The following FHOD3 variants were observed in gnomAD, a reference collection of about 807,000 sequenced individuals.
The protein encoded by FHOD3 is FH1/FH2 domain-containing protein 3.
Under a neutral mutation model 173.0 loss-of-function variants are expected in FHOD3, and 90 were observed. That is an observed-to-expected ratio of 0.52 (90% CI 0.44 to 0.62). The LOEUF (loss-of-function observed/expected upper bound fraction) is 0.62, where lower values mean the gene tolerates loss of function less well. Among genes scored for constraint, FHOD3 ranks in the 20% least tolerant of loss-of-function variants. The pLI is 0.00. For synonymous variants in FHOD3, 828 were observed against 823.0 expected, an observed-to-expected ratio of 1.01 and a Z score of -0.10; for missense variants, 1,945 against 2,034.7, an observed-to-expected ratio of 0.96 and a Z score of 0.85.
intron 14 of FHOD3, among the ~76,000 whole-genome samples, chr18:36,681,119 T>G (rs1326327761): frequency 6.6e-6 from 1 of 152,142 alleles, no homozygotes; most frequent in Non-Finnish European, 1.5e-5. Flanking sequence ...CTGTAAAATA[T>G]ATATAGAATG....
chr18:36,597,823 GA>G (rs1230097328), intron 7 of FHOD3, among the ~76,000 whole-genome samples: 1 of 151,450 alleles, frequency 6.6e-6, no homozygotes, highest in Non-Finnish European at 1.5e-5. Flanking sequence ...AAAAAAAAAG[GA>G]ATGGCACTAA....
intron 3 of FHOD3, among the ~76,000 whole-genome samples, chr18:36,467,170 G>A (rs921553119): frequency 1.3e-5 from 2 of 152,132 alleles, no homozygotes; most frequent in African/African-American, 2.4e-5. Context: ...GGGAAGGTAA[G>A]AGCCGAGCAC....
chr18:36,325,536 G>A (rs1183963024), intron 1 of FHOD3, among the ~76,000 whole-genome samples: 1 of 152,150 alleles, frequency 6.6e-6, no homozygotes, highest in Admixed American at 6.5e-5. Context: ...CTGAGGACCA[G>A]GAAGCAGCAG....
At chr18:36,368,330 C>T (rs1024082993) in intron 2 of FHOD3, among the ~76,000 whole-genome samples, 14 of 152,106 alleles carry the variant, frequency 9.2e-5, no homozygotes, top group African/African-American at 2.9e-4. Context: ...AAATAATAGT[C>T]TAAAGATGCA....
chr18:36,541,530 A>T (rs569846285), intron 5 of FHOD3, among the ~76,000 whole-genome samples: 1 of 152,240 alleles, frequency 6.6e-6, no homozygotes, highest in East Asian at 1.9e-4. Context: ...CCTTATCTCT[A>T]CAAAAAATGA....
In FHOD3 at chr18:36,739,765, G is replaced by A. The variant is rs538398639; in HGVS notation, c.3577-891G>A. Among the ~76,000 whole-genome samples the A allele has an allele frequency of 6.3e-4, 96 of 152,306 alleles. 1 individual carries two copies. The highest frequency in any genetic ancestry group is 2.1e-3 in the African/African-American group (89 of 41,578). On this transcript the variant is annotated intron_variant, in intron 20 of 28. Transcript: ENST00000590592. ...AATTTTAGTTTATTATAAATGTATA[G>A]ATAACGAACTAATAAGATGGATTTT... is the stretch of plus-strand genomic sequence containing the variant.
chr18:36,628,056 A>G (rs1300959035), intron 10 of FHOD3, among the ~76,000 whole-genome samples: 2 of 152,214 alleles, frequency 1.3e-5, no homozygotes, highest in Non-Finnish European at 2.9e-5. Context: ...AGTGATGCCA[A>G]CTTTTGTAAA....
chr18:36,616,957 C>T (rs531426384), intron 9 of FHOD3, among the ~76,000 whole-genome samples: 63 of 152,256 alleles, frequency 4.1e-4, no homozygotes, highest in South Asian at 1.7e-3. Context: ...CTTTCTGACC[C>T]GGAACAACAG....
At chr18:36,722,587 C>T (rs754187136) in intron 19 of FHOD3, among the ~76,000 whole-genome samples, 14 of 151,784 alleles carry the variant, frequency 9.2e-5, no homozygotes, top group Admixed American at 9.2e-4. Context: ...CAGGGTGAGC[C>T]TTGGCCTGGG....
chr18:36,474,176 A>T (rs779596367), intron 3 of FHOD3, among the ~76,000 whole-genome samples: 1 of 152,182 alleles, frequency 6.6e-6, no homozygotes, highest in South Asian at 2.1e-4. Context: ...TCCTTAAAGT[A>T]TCTTGATTTG....
intron 14 of FHOD3, among the ~76,000 whole-genome samples, chr18:36,677,033 G>C (rs941553153): frequency 6.6e-6 from 1 of 151,614 alleles, no homozygotes; most frequent in African/African-American, 2.4e-5. Flanking sequence ...TTTCCTTTTT[G>C]GTTGCTCTTT....
intron 3 of FHOD3, among the ~76,000 whole-genome samples, chr18:36,456,410 T>C (rs967522953): frequency 1.3e-5 from 2 of 152,124 alleles, no homozygotes; most frequent in Non-Finnish European, 2.9e-5. Flanking sequence ...GTTTTTCTTA[T>C]CTTCTTGAGA....
chr18:36,766,975 A>C (rs1471773777), intron 27 of FHOD3, among the ~76,000 whole-genome samples: 1 of 152,192 alleles, frequency 6.6e-6, no homozygotes, highest in Non-Finnish European at 1.5e-5. Flanking sequence ...GGTAAAACAC[A>C]ATTGCATGAT....
At chr18:36,502,887 CT>C (rs150564093) in intron 4 of FHOD3, among the ~76,000 whole-genome samples, 1,607 of 152,294 alleles carry the variant, frequency 0.011, 12 homozygotes, top group Non-Finnish European at 0.019. Flanking sequence ...ATATATCCTA[CT>C]TCTGCTTACT....
At chr18:36,298,062 G>A in intron 1 of FHOD3, 62 bp downstream of exon 1, 1 of 1,387,672 alleles carries the variant, frequency 7.2e-7, no homozygotes. Flanking sequence ...GTGCGCGCCG[G>A]GGTGGGTCCC....
At chr18:36,533,653 G>A (rs563654001) in intron 5 of FHOD3, among the ~76,000 whole-genome samples, 90 of 152,250 alleles carry the variant, frequency 5.9e-4, no homozygotes, top group Non-Finnish European at 1.0e-3. Flanking sequence ...GTGGAACTGC[G>A]GAATCTGGAG....
At chr18:36,444,171 C>T (rs1335523681) in intron 3 of FHOD3, among the ~76,000 whole-genome samples, 7 of 121,766 alleles carry the variant, frequency 5.7e-5, no homozygotes, top group African/African-American at 1.7e-4. Context: ...CCAGCATGGG[C>T]GACAGAGTGA....
intron 6 of FHOD3, among the ~76,000 whole-genome samples, chr18:36,588,647 G>A (rs574393950): frequency 8.5e-5 from 13 of 152,200 alleles, no homozygotes; most frequent in African/African-American, 2.6e-4. Flanking sequence ...TTTCCTTAAC[G>A]AGCAGCATAT....
chr18:36,610,447 T>C (rs146408520), intron 8 of FHOD3, among the ~76,000 whole-genome samples: 1 of 152,246 alleles, frequency 6.6e-6, no homozygotes, highest in South Asian at 2.1e-4. Context: ...CTGTAGACAC[T>C]GGTGTGTGCT....
Sources: allele counts gnomAD v4.1 joint callset (sites outside exome capture counted in the v4.1 genomes callset), GRCh38; gene constraint gnomAD v4.1.1; transcripts MANE v1.5; gene names NCBI Gene and HGNC (gene_info 2026-07-23, HGNC 2026-07-21).